The following DLG2 variants were observed in gnomAD, a reference collection of about 807,000 sequenced individuals.
DLG2 encodes the protein disks large homolog 2.
In DLG2, 45 loss-of-function variants were observed where a neutral mutation model predicts 132.5. That is an observed-to-expected ratio of 0.34 (90% CI 0.27 to 0.44). The LOEUF is 0.44. DLG2 is among the 20% of genes least tolerant of loss of function. DLG2 has a pLI of 1.00. For synonymous variants in DLG2, 424 were observed against 419.6 expected (o/e 1.01, Z -0.13); for missense variants, 1,045 against 1,196.9 (o/e 0.87, Z 1.87).
intron 16 of DLG2, among the ~76,000 whole-genome samples, chr11:83,873,588 T>C (rs1001187657): frequency 3.3e-5 from 5 of 152,328 alleles, no homozygotes; most frequent in Middle Eastern, 3.4e-3. Flanking sequence ...CCACTAAACC[T>C]CTTTCTTTTG....
chr11:84,918,425 T>C (rs774313993), intron 6 of DLG2, among the ~76,000 whole-genome samples: 3 of 152,122 alleles, frequency 2.0e-5, no homozygotes, highest in Non-Finnish European at 2.9e-5. Context: ...AGACACCCTG[T>C]ACTGTTTATT....
intron 3 of DLG2, among the ~76,000 whole-genome samples, chr11:85,489,508 C>T (rs114306075): frequency 0.023 from 3,445 of 151,830 alleles, 121 homozygotes; most frequent in African/African-American, 0.077. Context: ...TCATCGAGAC[C>T]GAAAATCAAC....
At chr11:83,816,961 C>A (rs556203879) in intron 17 of DLG2, among the ~76,000 whole-genome samples, 2 of 136,904 alleles carry the variant, frequency 1.5e-5, no homozygotes, top group South Asian at 2.5e-4. Flanking sequence ...TTGTGTCCTG[C>A]GCAATACAGG....
At chr11:83,713,529 A>G (rs1421616898) in intron 18 of DLG2, among the ~76,000 whole-genome samples, 1 of 152,156 alleles carries the variant, frequency 6.6e-6, no homozygotes, top group Non-Finnish European at 1.5e-5. Flanking sequence ...TGACGATGAA[A>G]ACCAGATCAT....
intron 9 of DLG2, among the ~76,000 whole-genome samples, chr11:84,129,540 G>C (rs1020345418): frequency 1.3e-5 from 2 of 152,074 alleles, no homozygotes; most frequent in Admixed American, 1.3e-4. Context: ...CATGATGTGA[G>C]ATGGCCTGTC....
At chr11:84,335,505 A>G (rs113600538) in intron 7 of DLG2, among the ~76,000 whole-genome samples, 5 of 152,252 alleles carry the variant, frequency 3.3e-5, no homozygotes, top group African/African-American at 1.2e-4. Context: ...TGGATCAGAC[A>G]TCAAAACTGA....
chr11:84,198,602 C>T (rs118094475), intron 8 of DLG2, among the ~76,000 whole-genome samples: 19 of 152,022 alleles, frequency 1.2e-4, no homozygotes, highest in Non-Finnish European at 2.5e-4. Context: ...TGCATGTATT[C>T]TTAAGAAAAA....
At chr11:83,746,677 G>T (rs1436829127) in intron 18 of DLG2, among the ~76,000 whole-genome samples, 7 of 152,100 alleles carry the variant, frequency 4.6e-5, no homozygotes, top group Admixed American at 4.6e-4. Context: ...GTATACATAT[G>T]TAACAAACCT....
chr11:84,854,523 C>A (rs2082535011), intron 6 of DLG2, among the ~76,000 whole-genome samples: 1 of 151,978 alleles, frequency 6.6e-6, no homozygotes. Flanking sequence ...AAGGCAAAAA[C>A]ATCCACTGAA....
At chr11:84,844,707 A>C (rs2081247032) in intron 6 of DLG2, among the ~76,000 whole-genome samples, 1 of 152,156 alleles carries the variant, frequency 6.6e-6, no homozygotes, top group African/African-American at 2.4e-5. Flanking sequence ...CAACCAAGTA[A>C]ATTAAGCAGT....
Position 83,677,573 on chromosome 11 carries a change from A to G in DLG2, c.1826-44248T>C, listed in dbSNP as rs529915235. Among the ~76,000 whole-genome samples the G allele has an allele frequency of 1.6e-3, 244 of 152,338 alleles. 1 individual carries two copies. The highest frequency in any genetic ancestry group is 2.9e-3 in the Non-Finnish European group (200 of 68,022). ...TAGTAGGGAATACTTCCAACAATGCATTCTGTCTTCCCACCTAGAAAACTA... is the reference window on the plus strand; with the variant it reads ...TAGTAGGGAATACTTCCAACAATGCGTTCTGTCTTCCCACCTAGAAAACTA... On this transcript the variant is annotated intron_variant, in intron 18 of 27. Coordinates refer to ENST00000376104, the MANE Select transcript of DLG2 (RefSeq NM_001142699.3).
chr11:83,927,923 ACT>A (rs55963615), intron 15 of DLG2, among the ~76,000 whole-genome samples: 29,697 of 151,812 alleles, frequency 0.2, 4,186 homozygotes, highest in African/African-American at 0.39. Flanking sequence ...AGTAAGGATG[ACT>A]CTCAAGTTTT....
chr11:84,155,871 T>A (rs1352569585), intron 9 of DLG2, among the ~76,000 whole-genome samples: 2 of 152,058 alleles, frequency 1.3e-5, no homozygotes, highest in Non-Finnish European at 2.9e-5. Context: ...TTAAACCTTA[T>A]CCTAAAGACA....
intron 6 of DLG2, among the ~76,000 whole-genome samples, chr11:84,799,520 T>C (rs910694812): frequency 6.6e-6 from 1 of 152,230 alleles, no homozygotes; most frequent in Non-Finnish European, 1.5e-5. Context: ...TGAAGGTGCA[T>C]TTTTGTATGT....
At chr11:85,619,485 G>C (rs1007581100) in intron 2 of DLG2, among the ~76,000 whole-genome samples, 8 of 151,830 alleles carry the variant, frequency 5.3e-5, no homozygotes, top group Admixed American at 4.6e-4. Context: ...TAATTCTTTT[G>C]AGTTTTATGG....
At chr11:85,062,532 C>T (rs2064271459) in intron 6 of DLG2, among the ~76,000 whole-genome samples, 1 of 148,882 alleles carries the variant, frequency 6.7e-6, no homozygotes, top group African/African-American at 2.5e-5. Flanking sequence ...GGTAGTATCA[C>T]AGACAAATGA....
intron 3 of DLG2, among the ~76,000 whole-genome samples, chr11:85,430,848 C>CAA (rs34643624): frequency 0.013 from 1,696 of 130,986 alleles, 21 homozygotes; most frequent in African/African-American, 0.026. Flanking sequence ...GCTAGCCAGT[C>CAA]AAAAAAAAAA....
intron 3 of DLG2, among the ~76,000 whole-genome samples, chr11:85,292,640 G>T (rs558603288): frequency 3.4e-5 from 1 of 29,268 alleles, no homozygotes; most frequent in South Asian, 1.2e-3. Context: ...AAGGAAGGAA[G>T]GAAGGAAGGA....
chr11:84,846,848 A>C (rs1445516460), intron 6 of DLG2, among the ~76,000 whole-genome samples: 3 of 152,188 alleles, frequency 2.0e-5, no homozygotes, highest in Non-Finnish European at 4.4e-5. Context: ...CTATTTAAAA[A>C]TATCCATGTA....
Sources: gnomAD v4.1 joint callset for allele counts (sites outside exome capture counted in the v4.1 genomes callset) on GRCh38, gnomAD v4.1.1 for gene constraint, MANE v1.5 for transcripts, NCBI Gene and HGNC (gene_info 2026-07-23, HGNC 2026-07-21) for gene names.